SLC4A7: variants seen among roughly 807,000 people sequenced by gnomAD.
SLC4A7 encodes sodium bicarbonate cotransporter 3.
Under a neutral mutation model 137.6 loss-of-function variants are expected in SLC4A7, and 51 were observed. The observed-to-expected ratio is 0.37, with a 90% CI of 0.30 to 0.47. The LOEUF (loss-of-function observed/expected upper bound fraction) is 0.47, where lower values mean the gene tolerates loss of function less well. Ranked by LOEUF, SLC4A7 falls within the 20% of genes least tolerant of loss-of-function variation. SLC4A7 has a pLI of 1.00. For synonymous variants in SLC4A7, 542 were observed against 518.6 expected (o/e 1.05, Z -0.61); for missense variants, 1,247 against 1,525.4 (o/e 0.82, Z 3.04).
intron 3 of SLC4A7, among the ~76,000 whole-genome samples, chr3:27,443,049 T>TG (rs2057336774): frequency 6.9e-6 from 1 of 145,930 alleles, no homozygotes; most frequent in African/African-American, 2.5e-5. Context: ...TTTTTTTTTT[T>TG]GAGATGGAGT....
intron 24 of SLC4A7, among the ~76,000 whole-genome samples, chr3:27,381,339 G>A (rs1199039630): frequency 6.6e-6 from 1 of 152,164 alleles, no homozygotes; most frequent in African/African-American, 2.4e-5. Context: ...GCAAATTGGT[G>A]ATAATTACTA....
At chr3:27,468,615 A>C (rs1025180642) in intron 1 of SLC4A7, among the ~76,000 whole-genome samples, 1 of 152,082 alleles carries the variant, frequency 6.6e-6, no homozygotes, top group African/African-American at 2.4e-5. Flanking sequence ...TTCTAGATCT[A>C]GTAAGATTGT....
At position 27,395,198 on chromosome 3, in the gene SLC4A7, C is replaced by A; in HGVS notation, c.2704-83G>T. The A allele has an allele frequency of 6.8e-6, 6 of 883,694 alleles. No homozygotes were observed. In the Admixed American group the frequency reaches 1.7e-4, roughly 25 times the overall value. The allele number at this position is 883,694 out of a possible 1,614,324, so 54.7% of individuals were successfully genotyped here. ...TCCATAACATAGACTTGATCTGTTCCAAGAAATACCCAACGAATGGGAAAT... is the reference window on the plus strand; with the variant it reads ...TCCATAACATAGACTTGATCTGTTCAAAGAAATACCCAACGAATGGGAAAT... On this transcript the variant is annotated intron_variant, in intron 18 of 25. Coordinates refer to ENST00000454389, the MANE Select transcript of SLC4A7 (RefSeq NM_001321103.2).
intron 1 of SLC4A7, among the ~76,000 whole-genome samples, chr3:27,469,269 A>G (rs1014377192): frequency 6.6e-6 from 1 of 152,220 alleles, no homozygotes; most frequent in Admixed American, 6.5e-5. Context: ...TAAGCAATCA[A>G]TTCTGCAGCA....
chr3:27,454,066 T>G (rs1350019112), intron 1 of SLC4A7, among the ~76,000 whole-genome samples: 5 of 152,068 alleles, frequency 3.3e-5, no homozygotes, highest in Non-Finnish European at 7.3e-5. Flanking sequence ...ATCCCAGTAC[T>G]TTGGGAGGCT....
intron 15 of SLC4A7, among the ~76,000 whole-genome samples, chr3:27,401,586 T>C (rs954511766): frequency 2.6e-5 from 4 of 152,212 alleles, no homozygotes; most frequent in African/African-American, 9.6e-5. Context: ...TTTTAGTAGA[T>C]GACTGACCTC....
chr3:27,474,405 G>GAT (rs1354688075), intron 1 of SLC4A7, among the ~76,000 whole-genome samples: 2 of 152,300 alleles, frequency 1.3e-5, no homozygotes, highest in South Asian at 4.1e-4. Flanking sequence ...TAAAAGGAGA[G>GAT]ATATATCACA....
At chr3:27,465,963 A>G (rs1011491639) in intron 1 of SLC4A7, among the ~76,000 whole-genome samples, 1 of 143,560 alleles carries the variant, frequency 7.0e-6, no homozygotes, top group Non-Finnish European at 1.5e-5. Flanking sequence ...CAAAAAAAAA[A>G]AAAGAAAGAA....
At chr3:27,386,499 G>A (rs147372059) in intron 22 of SLC4A7, among the ~76,000 whole-genome samples, 1 of 152,212 alleles carries the variant, frequency 6.6e-6, no homozygotes, top group African/African-American at 2.4e-5. Context: ...AGATGAGCAT[G>A]TTTTTGAATG....
intron 11 of SLC4A7, among the ~76,000 whole-genome samples, chr3:27,417,573 G>A (rs1027394171): frequency 1.3e-5 from 2 of 152,078 alleles, no homozygotes; most frequent in South Asian, 2.1e-4. Context: ...GCACAACAAA[G>A]TGAGACAGCA....
chr3:27,422,866 T>C (rs890371801), intron 8 of SLC4A7: 15 of 450,824 alleles, frequency 3.3e-5, no homozygotes, highest in African/African-American at 2.4e-4. Flanking sequence ...CAAGGAAGTA[T>C]ACACAAAGAT....
intron 13 of SLC4A7, among the ~76,000 whole-genome samples, chr3:27,405,606 A>G (rs1319580276): frequency 1.3e-5 from 2 of 152,216 alleles, no homozygotes; most frequent in East Asian, 3.8e-4. Context: ...GAACTGCTAT[A>G]AAAAGATCTT....
intron 19 of SLC4A7, 27 bp downstream of exon 19, chr3:27,394,927 A>G (rs1451618609): frequency 1.3e-6 from 2 of 1,570,210 alleles, no homozygotes; most frequent in East Asian, 4.5e-5. Flanking sequence ...AAGAATCACA[A>G]TGCTTAAGGC....
chr3:27,469,774 C>T (rs1241589917), intron 1 of SLC4A7, among the ~76,000 whole-genome samples: 2 of 151,964 alleles, frequency 1.3e-5, no homozygotes, highest in African/African-American at 4.8e-5. Context: ...AATAAAATAA[C>T]AATAATAATA....
intron 5 of SLC4A7, among the ~76,000 whole-genome samples, chr3:27,435,171 A>G (rs923316576): frequency 6.6e-6 from 1 of 152,228 alleles, no homozygotes; most frequent in African/African-American, 2.4e-5. Context: ...TAAATACTAC[A>G]GATTTTTTGT....
chr3:27,440,908 G>A (rs1432485407), intron 3 of SLC4A7, among the ~76,000 whole-genome samples: 1 of 152,060 alleles, frequency 6.6e-6, no homozygotes, highest in East Asian at 1.9e-4. Flanking sequence ...AGCCAGCCAT[G>A]ATGGCAGAGG....
chr3:27,379,533 G>A (rs11709103), intron 24 of SLC4A7, among the ~76,000 whole-genome samples, 177 bp from the exon 25 acceptor site: 23,709 of 152,114 alleles, frequency 0.16, 2,009 homozygotes, highest in South Asian at 0.27. Flanking sequence ...ATCGAAACTA[G>A]GAGTAAGATT....
chr3:27,475,591 G>C (rs533329040), intron 1 of SLC4A7, among the ~76,000 whole-genome samples: 66 of 152,042 alleles, frequency 4.3e-4, no homozygotes, highest in Non-Finnish European at 7.9e-4. Flanking sequence ...AGCTCAATAA[G>C]ATAAAATGAA....
At chr3:27,460,577 TAG>T (rs1216914349) in intron 1 of SLC4A7, among the ~76,000 whole-genome samples, 12 of 152,180 alleles carry the variant, frequency 7.9e-5, no homozygotes, top group Non-Finnish European at 1.3e-4. Flanking sequence ...TAAAGTAAAG[TAG>T]ATCCCTCTAT....
Sources: gnomAD v4.1 joint callset for allele counts (sites outside exome capture counted in the v4.1 genomes callset) on GRCh38, gnomAD v4.1.1 for gene constraint, MANE v1.5 for transcripts, NCBI Gene and HGNC (gene_info 2026-07-23, HGNC 2026-07-21) for gene names.